PRKN: variants seen among roughly 807,000 people sequenced by gnomAD.
PRKN encodes the protein E3 ubiquitin-protein ligase parkin.
Under a neutral mutation model 59.5 loss-of-function variants are expected in PRKN, and 56 were observed. The ratio of observed to expected loss-of-function variants is 0.94; its 90% CI spans 0.76 to 1.18. The LOEUF (loss-of-function observed/expected upper bound fraction) is 1.18. PRKN is among the 50% of genes most tolerant of loss of function. The pLI, the probability that PRKN is intolerant of heterozygous loss-of-function variation, is 0.00. For missense variants in PRKN, 657 were observed against 596.4 expected, an observed-to-expected ratio of 1.10 and a Z score of -1.06; for synonymous variants, 250 against 222.1, an observed-to-expected ratio of 1.13 and a Z score of -1.12.
chr6:162,600,239 T>A (rs1781649543), intron 1 of PRKN, among the ~76,000 whole-genome samples: 1 of 152,190 alleles, frequency 6.6e-6, no homozygotes, highest in Non-Finnish European at 1.5e-5. Flanking sequence ...CGTGGTATAC[T>A]CGTGTTCAGT....
chr6:161,854,334 AAAAT>A (rs1447032479), intron 6 of PRKN, among the ~76,000 whole-genome samples: 1 of 152,082 alleles, frequency 6.6e-6, no homozygotes, highest in African/African-American at 2.4e-5. Context: ...TTAAAAATAA[AAAAT>A]AACAGAAAAA....
chr6:162,552,607 C>T (rs1779375604), intron 1 of PRKN, among the ~76,000 whole-genome samples: 1 of 152,054 alleles, frequency 6.6e-6, no homozygotes. Context: ...TAGTTTTGAA[C>T]ATATTACATT....
At chr6:162,531,150 T>C (rs1195811221) in intron 1 of PRKN, among the ~76,000 whole-genome samples, 3 of 151,378 alleles carry the variant, frequency 2.0e-5, no homozygotes, top group East Asian at 1.9e-4. Context: ...GTGGATCACC[T>C]GAGGTCAGTA....
At chr6:161,687,279 C>T (rs537370752) in intron 7 of PRKN, among the ~76,000 whole-genome samples, 2 of 148,998 alleles carry the variant, frequency 1.3e-5, no homozygotes, top group South Asian at 4.3e-4. Flanking sequence ...ATCCCAGCTA[C>T]TCGGGAGGCT....
chr6:162,569,134 G>A (rs527811442), intron 1 of PRKN: 19 of 633,688 alleles, frequency 3.0e-5, no homozygotes, highest in Admixed American at 4.3e-5. Flanking sequence ...AACCTCAGCC[G>A]GGCTGAGGCT....
At chr6:161,996,916 C>T (rs6455789) in intron 5 of PRKN, among the ~76,000 whole-genome samples, 72,445 of 151,780 alleles carry the variant, frequency 0.48, 17,503 homozygotes, top group East Asian at 0.6. Context: ...CTGAAAACAA[C>T]CCAACCACTT....
intron 7 of PRKN, among the ~76,000 whole-genome samples, chr6:161,690,949 C>T (rs1205817216): frequency 3.3e-5 from 5 of 151,138 alleles, no homozygotes; most frequent in African/African-American, 9.8e-5. Flanking sequence ...GTGTATCGAT[C>T]GATTGAACAA....
chr6:161,565,134 C>A (rs1311870418), intron 8 of PRKN, among the ~76,000 whole-genome samples: 2 of 152,142 alleles, frequency 1.3e-5, no homozygotes, highest in African/African-American at 4.8e-5. Context: ...TCACCCTCAG[C>A]TTACACTGTT....
At chr6:162,593,741 G>C (rs1488590059) in intron 1 of PRKN, among the ~76,000 whole-genome samples, 2 of 152,206 alleles carry the variant, frequency 1.3e-5, no homozygotes, top group African/African-American at 4.8e-5. Flanking sequence ...GGATAGGGCA[G>C]GGACAGGAAC....
At chr6:162,467,282 G>A (rs1466897383) in intron 1 of PRKN, among the ~76,000 whole-genome samples, 1 of 151,976 alleles carries the variant, frequency 6.6e-6, no homozygotes, top group Non-Finnish European at 1.5e-5. Context: ...CCCAATGTCT[G>A]GCACATACTA....
chr6:161,349,643 G>A lies in PRKN; in HGVS notation c.*456C>T, dbSNP rs1364561239. On this transcript the variant is annotated 3_prime_UTR_variant, in exon 12 of 12. Transcript: ENST00000366898. This position sits in a 1 kb window ranked among gnomAD's most constrained non-coding sequence, Gnocchi z 5.5. ...TTTACAGAGAAACACCTTGTCAATG[G>A]CATCTTCATGGTGTTTACTGAAGGT... 7.5e-6 allele frequency: 2 copies of A among 266,410 alleles called. No homozygotes were observed. Among genetic ancestry groups the A allele is most frequent in the African/African-American group, 2.1e-5 (1 of 46,520 alleles). 16.5% of individuals were successfully genotyped at this position (266,410 alleles called of 1,614,324 possible). A position where few individuals can be genotyped will look rare whatever the true frequency, so the allele number is the denominator to read the frequency against.
At chr6:162,258,737 A>G (rs1221336159) in intron 3 of PRKN, among the ~76,000 whole-genome samples, 1 of 152,130 alleles carries the variant, frequency 6.6e-6, no homozygotes, top group Non-Finnish European at 1.5e-5. Context: ...GGTGATTCTG[A>G]TGAGCACTAA....
In PRKN at chr6:162,010,774, A is replaced by AAT. The variant is rs1303159950; in HGVS notation, c.619-37359_619-37358dup. On this transcript the variant is annotated intron_variant, in intron 5 of 11. Transcript: ENST00000366898. ...ATATACAATATATAATATATTATAT[A>AAT]ATATATTATATAATATATTATATAA... is the stretch of plus-strand genomic sequence containing the variant. Among the ~76,000 whole-genome samples, 6 of 7,566 alleles carry AAT rather than the reference A, an allele frequency of 7.9e-4. 2 individuals carry two copies. Among genetic ancestry groups the AAT allele is most frequent in the Non-Finnish European group, 3.3e-4 (2 of 6,152 alleles). The allele number at this position is 7,566 out of a possible 152,430, so 5.0% of individuals were successfully genotyped here. A position where few individuals can be genotyped will look rare whatever the true frequency, so the allele number is the denominator to read the frequency against.
intron 7 of PRKN, among the ~76,000 whole-genome samples, chr6:161,658,015 CAAA>C (rs60685690): frequency 4.8e-5 from 3 of 61,880 alleles, no homozygotes; most frequent in Admixed American, 1.8e-4. Flanking sequence ...GACTCTGTCT[CAAA>C]AAAAAAAAAA....
chr6:162,017,225 G>A (rs576446376), intron 5 of PRKN, among the ~76,000 whole-genome samples: 113 of 152,248 alleles, frequency 7.4e-4, no homozygotes, highest in African/African-American at 2.6e-3. Flanking sequence ...TTAAGAGTCT[G>A]TACTTGGGAA....
At chr6:162,017,079 T>G (rs1013511885) in intron 5 of PRKN, among the ~76,000 whole-genome samples, 1 of 152,166 alleles carries the variant, frequency 6.6e-6, no homozygotes, top group African/African-American at 2.4e-5. Flanking sequence ...TCATAGCATG[T>G]GGATTAATTT....
intron 1 of PRKN, among the ~76,000 whole-genome samples, chr6:162,463,126 T>C (rs542846155): frequency 1.3e-5 from 2 of 152,286 alleles, no homozygotes; most frequent in East Asian, 3.9e-4. Context: ...TTGAGCATGT[T>C]AGTACTTGCT....
intron 2 of PRKN, among the ~76,000 whole-genome samples, chr6:162,424,539 GC>G (rs2128160475): frequency 6.6e-6 from 1 of 152,120 alleles, no homozygotes; most frequent in South Asian, 2.1e-4. Flanking sequence ...TTCAAGACCA[GC>G]CTGGCCAAGA....
At chr6:161,500,455 T>G (rs1777919881) in intron 9 of PRKN, among the ~76,000 whole-genome samples, 2 of 152,236 alleles carry the variant, frequency 1.3e-5, no homozygotes, top group African/African-American at 2.4e-5. Context: ...GTGCTCCACA[T>G]ACTCATCCTT....
Sources: allele counts gnomAD v4.1 joint callset (sites outside exome capture counted in the v4.1 genomes callset), GRCh38; gene constraint gnomAD v4.1.1; non-coding constraint Gnocchi (gnomAD v3.1); transcripts MANE v1.5; gene names NCBI Gene and HGNC (gene_info 2026-07-23, HGNC 2026-07-21).